CYFIP2: variants seen among roughly 807,000 people sequenced by gnomAD.
CYFIP2 encodes cytoplasmic FMR1-interacting protein 2.
CYFIP2 carries 29 observed loss-of-function variants against 158.7 expected under a neutral mutation model. The observed-to-expected ratio is 0.18, with a 90% CI of 0.14 to 0.25. The LOEUF is 0.25. Among genes scored for constraint, CYFIP2 ranks in the 10% least tolerant of loss-of-function variants. The pLI, the probability that CYFIP2 is intolerant of heterozygous loss-of-function variation, is 1.00. For missense variants in CYFIP2, 852 were observed against 1,639.5 expected (o/e 0.52, Z 8.29); for synonymous variants, 585 against 617.6 (o/e 0.95, Z 0.78).
chr5:157,333,041 T>C (rs1314531717), intron 20 of CYFIP2, among the ~76,000 whole-genome samples: 1 of 152,176 alleles, frequency 6.6e-6, no homozygotes, highest in Admixed American at 6.5e-5. Flanking sequence ...ACAGGGACTC[T>C]CACAAGGCCA....
At chr5:157,343,634 C>A in intron 23 of CYFIP2, 1 of 1,030,040 alleles carries the variant, frequency 9.7e-7, no homozygotes, top group Non-Finnish European at 1.4e-6. Context: ...ACATTTGAGA[C>A]GGGCACTCAT....
chr5:157,383,682 T>C (rs548170891), intron 28 of CYFIP2: 65 of 207,512 alleles, frequency 3.1e-4, no homozygotes, highest in Non-Finnish European at 5.6e-4. Context: ...CTCCACATAC[T>C]CTGTGAGCCA....
At chr5:157,280,667 G>T (rs1176467157) in intron 1 of CYFIP2, among the ~76,000 whole-genome samples, 1 of 151,902 alleles carries the variant, frequency 6.6e-6, no homozygotes, top group East Asian at 1.9e-4. Flanking sequence ...AAATTGGATG[G>T]AAAAATACAG....
At chr5:157,339,339 G>A in intron 22 of CYFIP2, 83 bp downstream of exon 22, 2 of 1,250,330 alleles carry the variant, frequency 1.6e-6, no homozygotes, top group Non-Finnish European at 1.1e-6. Flanking sequence ...CCCAGTACAT[G>A]TGTGAGTGGT....
In CYFIP2 at chr5:157,388,964, G is replaced by A. The variant is rs870307; in HGVS notation, c.3208-225G>A. On this transcript the variant is annotated intron_variant, in intron 28 of 30. Transcript: ENST00000620254. ...AAATCATAATTTTAAAAATTAATCC[G>A]CTACTGATGGTGCCTGGATTTTACT... 1.9e-3 allele frequency among the ~76,000 whole-genome samples: 294 copies of A among 152,234 alleles called. 12 individuals are homozygous for A. In the East Asian group the frequency reaches 0.051, roughly 27 times the overall value.
At chr5:157,298,318 C>T (rs142000500) in intron 5 of CYFIP2, among the ~76,000 whole-genome samples, 18 of 152,052 alleles carry the variant, frequency 1.2e-4, no homozygotes, top group African/African-American at 2.2e-4. Flanking sequence ...ACATTCATCA[C>T]GACAATCAGT....
intron 15 of CYFIP2, chr5:157,322,856 CTCTCTCTCTCTCTT>C: frequency 1.7e-6 from 2 of 1,206,738 alleles, no homozygotes; most frequent in Non-Finnish European, 2.3e-6. Context: ...TTGCTTTTCT[CTCTCTCTCTCTCTT>C]TCTCTCTCTC....
chr5:157,326,927 C>T (rs1761069845), intron 18 of CYFIP2, among the ~76,000 whole-genome samples: 1 of 152,148 alleles, frequency 6.6e-6, no homozygotes, highest in African/African-American at 2.4e-5. Context: ...AATCATTAAC[C>T]TTATGGAGCC....
intron 23 of CYFIP2, among the ~76,000 whole-genome samples, chr5:157,346,460 CAGAG>C (rs1476910624): frequency 2.0e-5 from 3 of 152,202 alleles, no homozygotes; most frequent in South Asian, 2.1e-4. Context: ...AGAGAAAAGA[CAGAG>C]AGACTCAAGG....
intron 11 of CYFIP2, 136 bp from the exon 12 acceptor site, chr5:157,314,207 CT>C: frequency 8.6e-7 from 1 of 1,158,674 alleles, no homozygotes; most frequent in South Asian, 2.0e-5. Flanking sequence ...CAGCAAGGCA[CT>C]TGTCTGAGCC....
chr5:157,279,197 C>T (rs368180640), intron 1 of CYFIP2, among the ~76,000 whole-genome samples: 27 of 152,136 alleles, frequency 1.8e-4, no homozygotes, highest in African/African-American at 6.5e-4. Context: ...AGGACAGGCA[C>T]TATTGTAAAT....
At chr5:157,377,178 T>G (rs1176904316) in intron 26 of CYFIP2, among the ~76,000 whole-genome samples, 1 of 151,914 alleles carries the variant, frequency 6.6e-6, no homozygotes. Flanking sequence ...AAGGTGAAAC[T>G]GCAGCTTGGC....
chr5:157,297,893 T>C lies in CYFIP2; in HGVS notation c.387+1119T>C, dbSNP rs560331458. 2.0e-5 allele frequency among the ~76,000 whole-genome samples: 3 copies of C among 152,376 alleles called. No homozygotes were observed. In the South Asian group the frequency reaches 6.2e-4, roughly 32 times the overall value. ...TCAGTAATCCTAGGCACACTGCAAGTGCAGAGTGGCCACGTGTGATGGTGG... is the reference window on the plus strand; with the variant it reads ...TCAGTAATCCTAGGCACACTGCAAGCGCAGAGTGGCCACGTGTGATGGTGG... On this transcript the variant is annotated intron_variant, in intron 5 of 30. Transcript: ENST00000620254.
intron 27 of CYFIP2, 60 bp from the exon 28 acceptor site, chr5:157,383,205 C>T: frequency 1.3e-6 from 2 of 1,497,628 alleles, no homozygotes; most frequent in East Asian, 2.3e-5. Context: ...GGAGTTTTTC[C>T]TTCCCCAGTT....
intron 1 of CYFIP2, among the ~76,000 whole-genome samples, chr5:157,280,409 A>G (rs888744553): frequency 1.4e-5 from 2 of 142,788 alleles, no homozygotes; most frequent in Non-Finnish European, 3.0e-5. Context: ...GATTTCTACT[A>G]AAGAAAAATT....
At chr5:157,346,554 C>G (rs1762709486) in intron 23 of CYFIP2, among the ~76,000 whole-genome samples, 1 of 152,160 alleles carries the variant, frequency 6.6e-6, no homozygotes, top group Admixed American at 6.6e-5. Context: ...CCATCAGCAG[C>G]TGGGAAGGCA....
At chr5:157,381,561 A>G (rs1044547553) in intron 26 of CYFIP2, among the ~76,000 whole-genome samples, 29 of 145,168 alleles carry the variant, frequency 2.0e-4, no homozygotes, top group African/African-American at 6.8e-4. Flanking sequence ...GTGAGGGGGA[A>G]GTTTCCCCTC....
At position 157,292,370 on chromosome 5, in the gene CYFIP2, C is replaced by G. The variant is rs143629617; in HGVS notation, c.208-2413C>G. Among the ~76,000 whole-genome samples the G allele has an allele frequency of 7.9e-3, 1,209 of 152,224 alleles. 21 individuals are homozygous for G. The highest frequency in any genetic ancestry group is 0.028 in the African/African-American group (1,158 of 41,512). On this transcript the variant is annotated intron_variant, in intron 3 of 30. Coordinates refer to ENST00000620254, the MANE Select transcript of CYFIP2 (RefSeq NM_001037333.3). Reference sequence around the variant, plus strand: ...GAGTAGCTGGGATTATAGGCATGCACCACCATGCCCGGCTAACTTTGTATT... The same window carrying G: ...GAGTAGCTGGGATTATAGGCATGCAGCACCATGCCCGGCTAACTTTGTATT...
chr5:157,319,715 G>T, intron 13 of CYFIP2, 47 bp from the exon 14 acceptor site: 2 of 1,603,100 alleles, frequency 1.2e-6, no homozygotes, highest in South Asian at 2.2e-5. Flanking sequence ...GTAGACAGCT[G>T]GTGTGCTGGA....
Sources: gnomAD v4.1 joint callset for allele counts (sites outside exome capture counted in the v4.1 genomes callset) on GRCh38, gnomAD v4.1.1 for gene constraint, MANE v1.5 for transcripts, NCBI Gene and HGNC (gene_info 2026-07-23, HGNC 2026-07-21) for gene names.